Variants in CSRNP3 observed in about 807,000 individuals in gnomAD.
The protein encoded by CSRNP3 is cysteine/serine-rich nuclear protein 3.
CSRNP3 carries 12 observed loss-of-function variants against 48.0 expected under a neutral mutation model. The ratio of observed to expected loss-of-function variants is 0.25; its 90% confidence interval spans 0.16 to 0.41. CSRNP3 has a LOEUF of 0.41. Among genes scored for constraint, CSRNP3 ranks in the 10% least tolerant of loss-of-function variants. The pLI is 1.00. For missense variants in CSRNP3, 580 were observed against 724.4 expected, an observed-to-expected ratio of 0.80 and a Z score of 2.29; for synonymous variants, 263 against 269.7, an observed-to-expected ratio of 0.98 and a Z score of 0.24.
intron 3 of CSRNP3, among the ~76,000 whole-genome samples, chr2:165,531,833 G>C (rs998659269): frequency 4.6e-5 from 7 of 152,152 alleles, no homozygotes; most frequent in African/African-American, 1.7e-4. Flanking sequence ...AAGAAGAAAA[G>C]AGAGAAGACT....
rs1346764114 is a variant in CSRNP3, at chr2:165,486,211, C to T, written c.-282-8548C>T. Among the ~76,000 whole-genome samples the T allele has an allele frequency of 4.6e-5, 7 of 152,274 alleles. No homozygotes were observed. In the South Asian group the frequency reaches 1.2e-3, roughly 27 times the overall value. ...ACGCACCTGGAAAATCGGGTCACTCCCACCCGATTATTGCGCTTTTCAGAC... is the reference window on the plus strand; with the variant it reads ...ACGCACCTGGAAAATCGGGTCACTCTCACCCGATTATTGCGCTTTTCAGAC... On this transcript the variant is annotated intron_variant, in intron 1 of 6. Transcript: ENST00000651982.
chr2:165,603,698 A>AT (rs1053166835), intron 4 of CSRNP3, among the ~76,000 whole-genome samples: 2 of 152,090 alleles, frequency 1.3e-5, no homozygotes, highest in African/African-American at 4.8e-5. Context: ...CTCTATATCC[A>AT]TTTTTTATTC....
intron 1 of CSRNP3, among the ~76,000 whole-genome samples, chr2:165,486,351 G>A (rs1399766486): frequency 1.2e-3 from 185 of 151,504 alleles, no homozygotes; most frequent in Non-Finnish European, 1.5e-3. Context: ...ACTGCAAGGC[G>A]GCAGCGAGGC....
intron 3 of CSRNP3, among the ~76,000 whole-genome samples, chr2:165,537,868 G>A (rs1684901983): frequency 6.6e-6 from 1 of 151,568 alleles, no homozygotes; most frequent in Non-Finnish European, 1.5e-5. Flanking sequence ...TTTTCTTTTT[G>A]ATTTGTTCAA....
intron 1 of CSRNP3, among the ~76,000 whole-genome samples, chr2:165,481,974 G>A (rs1270280718): frequency 6.6e-6 from 1 of 152,170 alleles, no homozygotes; most frequent in East Asian, 1.9e-4. Context: ...TACCTAGTGA[G>A]TACTATGCTC....
intron 3 of CSRNP3, among the ~76,000 whole-genome samples, chr2:165,557,921 T>C (rs977565135): frequency 6.6e-6 from 1 of 152,256 alleles, no homozygotes; most frequent in African/African-American, 2.4e-5. Context: ...TCTTATTTAA[T>C]TTTCACTTTG....
chr2:165,511,912 A>C lies in CSRNP3; in HGVS notation c.-112-5961A>C, dbSNP rs537235665. On this transcript the variant is annotated intron_variant, in intron 2 of 6. Transcript: ENST00000651982. ...TCATAGCAGGAGGAGAACTGAATTTAATCAGGTGGGTTTTTTTGTCACACT... is the reference window on the plus strand; with the variant it reads ...TCATAGCAGGAGGAGAACTGAATTTCATCAGGTGGGTTTTTTTGTCACACT... 7.2e-4 allele frequency among the ~76,000 whole-genome samples: 109 copies of C among 152,250 alleles called. 1 individual carries two copies. Among genetic ancestry groups the C allele is most frequent in the South Asian group, 4.8e-3 (23 of 4,828 alleles).
intron 4 of CSRNP3, among the ~76,000 whole-genome samples, chr2:165,605,389 C>T (rs913644219): frequency 1.3e-5 from 2 of 152,078 alleles, no homozygotes; most frequent in African/African-American, 4.8e-5. Context: ...TTTAGTATAG[C>T]CATCCCTGGT....
rs1366095455 is a variant in CSRNP3 at position 165,686,118 on chromosome 2, C to G, written c.*6365C>G. On this transcript the variant is annotated 3_prime_UTR_variant, in exon 7 of 7. Coordinates refer to ENST00000651982, the MANE Select transcript of CSRNP3 (RefSeq NM_001172173.2). ...TTTGGTTTTCTCCCAATATTTTTAT[C>G]TGTCTTGGGATTATCTTAAAAGGTA... 1.3e-5 allele frequency: 2 copies of G among 151,938 alleles called. No individual in the cohort carries two copies. The highest frequency in any genetic ancestry group is 4.8e-5 in the African/African-American group (2 of 41,386). 9.4% of individuals were successfully genotyped at this position (151,938 alleles called of 1,614,324 possible). A position where few individuals can be genotyped will look rare whatever the true frequency, so the allele number is the denominator to read the frequency against.
chr2:165,606,486 G>A (rs1404742406), intron 4 of CSRNP3, among the ~76,000 whole-genome samples: 1 of 151,590 alleles, frequency 6.6e-6, no homozygotes, highest in Admixed American at 6.6e-5. Flanking sequence ...AAAATTGAAA[G>A]AAGACATCAT....
rs1687649109 is a variant in CSRNP3, at chr2:165,687,501, T to C, written c.*7748T>C. 6.6e-6 allele frequency: 1 copy of C among 152,116 alleles called. No homozygotes were observed. The highest frequency in any genetic ancestry group is 2.4e-5 in the African/African-American group (1 of 41,434). 9.4% of individuals were successfully genotyped at this position (152,116 alleles called of 1,614,324 possible). A position where few individuals can be genotyped will look rare whatever the true frequency, so the allele number is the denominator to read the frequency against. On this transcript the variant is annotated 3_prime_UTR_variant, in exon 7 of 7. Coordinates refer to ENST00000651982, the MANE Select transcript of CSRNP3 (RefSeq NM_001172173.2). ...CATTTTCTACATTCTTACTTCTAAG[T>C]AATGACCTTCTCATTAATCTTTCCT...
intron 3 of CSRNP3, among the ~76,000 whole-genome samples, chr2:165,573,061 T>C (rs1235646300): frequency 6.6e-6 from 1 of 152,062 alleles, no homozygotes; most frequent in Non-Finnish European, 1.5e-5. Flanking sequence ...TATTTAATTA[T>C]TTGAATTAAA....
chr2:165,486,184 G>A (rs1055741766), intron 1 of CSRNP3, among the ~76,000 whole-genome samples: 7 of 152,154 alleles, frequency 4.6e-5, no homozygotes, highest in African/African-American at 7.2e-5. Context: ...AATGGGTGAC[G>A]GACGCACCTG....
chr2:165,501,759 G>A (rs534234987), intron 2 of CSRNP3, among the ~76,000 whole-genome samples: 1 of 152,012 alleles, frequency 6.6e-6, no homozygotes, highest in East Asian at 1.9e-4. Flanking sequence ...ACTGAAATAG[G>A]CCAATTGTAT....
rs574085114 is a variant in CSRNP3 at position 165,623,090 on chromosome 2, TA to T, written c.148+27884del. On this transcript the variant is annotated intron_variant, in intron 4 of 6. Transcript: ENST00000651982. ...ATATTTAAAACATAAATAAATAAAA[TA>T]AAAAAATGACAATTTTTGAAAGGAT... Among the ~76,000 whole-genome samples the T allele has an allele frequency of 4.9e-3, 744 of 152,186 alleles. 5 individuals are homozygous for T. The highest frequency in any genetic ancestry group is 8.6e-3 in the Non-Finnish European group (586 of 67,994).
intron 4 of CSRNP3, among the ~76,000 whole-genome samples, chr2:165,643,702 A>T (rs1686765758): frequency 6.6e-6 from 1 of 152,144 alleles, no homozygotes; most frequent in Non-Finnish European, 1.5e-5. Flanking sequence ...ATGATTTCAT[A>T]TTTTTATAAA....
intron 5 of CSRNP3, among the ~76,000 whole-genome samples, chr2:165,665,969 AGG>A (rs372945124): frequency 0.055 from 6,178 of 111,740 alleles, 330 homozygotes; most frequent in Non-Finnish European, 0.081. Flanking sequence ...GGAAAGAGAG[AGG>A]GGAAGAAAGA....
chr2:165,662,760 T>C (rs1175440255), intron 5 of CSRNP3, among the ~76,000 whole-genome samples: 3 of 152,204 alleles, frequency 2.0e-5, no homozygotes, highest in Non-Finnish European at 2.9e-5. Context: ...AGCTTTGGCT[T>C]GCCTTTTTAT....
chr2:165,599,627 G>C (rs1428544413), intron 4 of CSRNP3, among the ~76,000 whole-genome samples: 3 of 152,126 alleles, frequency 2.0e-5, no homozygotes, highest in Non-Finnish European at 4.4e-5. Context: ...GAGAGGAGTA[G>C]CTAAAAGAGT....
Sources: gnomAD v4.1 joint callset for allele counts (sites outside exome capture counted in the v4.1 genomes callset) on GRCh38, gnomAD v4.1.1 for gene constraint, MANE v1.5 for transcripts, NCBI Gene and HGNC (gene_info 2026-07-23, HGNC 2026-07-21) for gene names.